Variants in TDP1 observed in about 807,000 individuals in gnomAD.
TDP1 encodes the protein tyrosyl-DNA phosphodiesterase 1, also known as tyr-DNA phosphodiesterase 1.
A neutral mutation model predicts 81.5 loss-of-function variants in TDP1; 64 were observed. That is an observed-to-expected ratio of 0.79 (90% CI 0.64 to 0.97). The LOEUF is 0.97. Among genes scored for constraint, TDP1 ranks in the 50% least tolerant of loss-of-function variants. TDP1 has a pLI of 0.00. For synonymous variants in TDP1, 256 were observed against 264.3 expected (o/e 0.97, Z 0.30); for missense variants, 723 against 743.8 (o/e 0.97, Z 0.33).
At chr14:89,988,600 G>T in intron 10 of TDP1, 1 of 980,908 alleles carries the variant, frequency 1.0e-6, no homozygotes, top group Non-Finnish European at 1.2e-6. Context: ...ATGACAAGTT[G>T]GTGGTTTATC....
At position 89,998,398 on chromosome 14, in the gene TDP1, A is replaced by G. The variant is rs1051319623; in HGVS notation, c.1541+4915A>G. 3.5e-4 allele frequency among the ~76,000 whole-genome samples: 40 copies of G among 114,522 alleles called. 2 individuals carry two copies. The highest frequency in any genetic ancestry group is 1.2e-3 in the African/African-American group (25 of 21,588). The allele number at this position is 114,522 out of a possible 152,430, so 75.1% of individuals were successfully genotyped here. On this transcript the variant is annotated intron_variant, in intron 14 of 16. Coordinates refer to ENST00000335725, the MANE Select transcript of TDP1 (RefSeq NM_018319.4). ...TATATATATATATATATATATATAT[A>G]TATATATATATATATATATATATAT...
At chr14:90,008,219 A>AGAT (rs1354506023) in intron 14 of TDP1, among the ~76,000 whole-genome samples, 1 of 152,134 alleles carries the variant, frequency 6.6e-6, no homozygotes, top group Non-Finnish European at 1.5e-5. Flanking sequence ...AACTCTTATG[A>AGAT]GATGCTTGTC....
intron 8 of TDP1, among the ~76,000 whole-genome samples, chr14:89,982,459 C>T (rs954559524): frequency 9.9e-5 from 15 of 152,266 alleles, no homozygotes; most frequent in African/African-American, 3.4e-4. Flanking sequence ...AGCTTGTTCT[C>T]ATGAAACAAT....
intron 6 of TDP1, among the ~76,000 whole-genome samples, chr14:89,971,923 CAT>C (rs1043603107): frequency 1.3e-5 from 2 of 151,724 alleles, no homozygotes; most frequent in African/African-American, 2.4e-5. Flanking sequence ...TTTTTTTTCA[CAT>C]GAGTTGCATC....
Position 89,972,426 on chromosome 14 carries a change from T to A in TDP1, c.756+1155T>A, listed in dbSNP as rs1427714083. 2.6e-5 allele frequency among the ~76,000 whole-genome samples: 4 copies of A among 152,182 alleles called. No homozygotes were observed. The East Asian group carries it at 7.7e-4, about 29-fold the overall frequency. ...CAGGCCCCTCCTCCAACATTGGGGA[T>A]TATAATTTGAGATGAGATTTGGGTG... On this transcript the variant is annotated intron_variant, in intron 6 of 16. Transcript: ENST00000335725.
intron 15 of TDP1, among the ~76,000 whole-genome samples, chr14:90,027,409 C>T (rs1179830549): frequency 1.3e-5 from 2 of 152,000 alleles, no homozygotes; most frequent in Admixed American, 6.6e-5. Context: ...AGATGATGTC[C>T]GGACTCCTTT....
chr14:90,032,581 T>C (rs1242441464), intron 15 of TDP1: 1 of 214,954 alleles, frequency 4.7e-6, no homozygotes, highest in African/African-American at 2.4e-5. Flanking sequence ...ATTAATACCC[T>C]ATTCTAGAGT....
rs989839111 is a variant in TDP1, at chr14:90,022,834, T to C, written c.1644+3416T>C. 3.3e-6 allele frequency: 3 copies of C among 906,586 alleles called. No homozygotes were observed. In the African/African-American group the frequency reaches 5.4e-5, roughly 16 times the overall value. 56.2% of individuals were successfully genotyped at this position (906,586 alleles called of 1,614,324 possible). A position where few individuals can be genotyped will look rare whatever the true frequency, so the allele number is the denominator to read the frequency against. ...CCAGAGATTTGTGCCATGAGGTAGT[T>C]TGTCGTTTCGCTGAGTTTATACGTG... On this transcript the variant is annotated intron_variant, in intron 15 of 16. Coordinates refer to ENST00000335725, the MANE Select transcript of TDP1 (RefSeq NM_018319.4).
chr14:90,020,862 C>T (rs1050095527), intron 15 of TDP1, among the ~76,000 whole-genome samples: 1 of 146,828 alleles, frequency 6.8e-6, no homozygotes, highest in Non-Finnish European at 1.5e-5. Flanking sequence ...GTGGCATGAT[C>T]TCGGCTCACT....
intron 15 of TDP1, among the ~76,000 whole-genome samples, chr14:90,027,625 G>A (rs1165338976): frequency 6.6e-6 from 1 of 152,190 alleles, no homozygotes; most frequent in African/African-American, 2.4e-5. Context: ...ACATTGGACA[G>A]ATCCCTTAGG....
intron 14 of TDP1, among the ~76,000 whole-genome samples, chr14:90,002,415 G>A (rs528258262): frequency 7.2e-5 from 11 of 152,034 alleles, no homozygotes; most frequent in Admixed American, 1.3e-4. Flanking sequence ...GAAAACATGC[G>A]GTTGTTTCCT....
intron 10 of TDP1, 82 bp downstream of exon 10, chr14:89,985,292 C>G (rs1427721402): frequency 2.5e-6 from 2 of 797,196 alleles, no homozygotes; most frequent in African/African-American, 1.8e-5. Context: ...TATTTTGATG[C>G]AGCTTCACAA....
In TDP1 at chr14:89,966,172, G is replaced by A. The variant is rs771269304; in HGVS notation, c.585G>A (p.Thr195=). ...ATATTTTATCTCCTTTATTTGGGAC[G>A]CTTGTTTCTTCAGCTCAGGTGAGTA... The part of the protein sequence containing the change: ...IKDILSPLFG[T]LVSSAQFNYC... The change falls in exon 4 of 17, where the codon ACG becomes ACA. Residue 195 remains threonine (T), a synonymous_variant. Coordinates refer to ENST00000335725, the MANE Select transcript of TDP1 (RefSeq NM_018319.4). The A allele has an allele frequency of 2.4e-5, 39 of 1,606,776 alleles. No homozygotes were observed. In the Admixed American group the frequency reaches 3.7e-4, roughly 15 times the overall value.
chr14:89,995,759 ATTC>A (rs930919695), intron 14 of TDP1, among the ~76,000 whole-genome samples: 48 of 152,296 alleles, frequency 3.2e-4, no homozygotes, highest in African/African-American at 1.1e-3. Context: ...TTTTCCCAGA[ATTC>A]TTCTTTGCCC....
At position 89,963,568 on chromosome 14, in the gene TDP1, C is replaced by T; in HGVS notation, c.454C>T (p.Gln152Ter). The change falls in exon 3 of 17, where the codon CAG (glutamine) becomes TAG (stop). Residue 152 changes from glutamine (Q) to a stop codon, truncating the protein, a stop_gained. Coordinates refer to ENST00000335725, the MANE Select transcript of TDP1 (RefSeq NM_018319.4). LOFTEE classifies it high-confidence loss of function. The part of the protein sequence containing the change: ...EDEYETSGEG[Q>*]DIWDMLDKGN... ...CGAGTATGAGACATCAGGGGAGGGC[C>T]AGGACATTTGGGACATGCTGGATAA... 1 of 1,613,448 alleles carries T rather than the reference C, an allele frequency of 6.2e-7. No individual in the cohort carries two copies. The highest frequency in any genetic ancestry group is 8.5e-7 in the Non-Finnish European group (1 of 1,179,590).
At chr14:89,969,457 A>G (rs972626719) in intron 5 of TDP1, among the ~76,000 whole-genome samples, 1 of 152,198 alleles carries the variant, frequency 6.6e-6, no homozygotes, top group Non-Finnish European at 1.5e-5. Context: ...TCTTTTTGTA[A>G]TAAGTCGTAG....
chr14:89,962,201 T>C (rs1265172466), intron 2 of TDP1, among the ~76,000 whole-genome samples: 1 of 152,200 alleles, frequency 6.6e-6, no homozygotes, highest in African/African-American at 2.4e-5. Context: ...AATTATATCT[T>C]GATATAATTA....
At chr14:89,989,878 T>TA (rs1895994964) in intron 12 of TDP1, 113 bp downstream of exon 12, 1 of 825,430 alleles carries the variant, frequency 1.2e-6, no homozygotes, top group African/African-American at 1.7e-5. Flanking sequence ...CTTAACTATA[T>TA]AAGGATCATG....
At chr14:89,983,940 C>G (rs1000288863) in intron 8 of TDP1, among the ~76,000 whole-genome samples, 1 of 152,136 alleles carries the variant, frequency 6.6e-6, no homozygotes, top group Non-Finnish European at 1.5e-5. Context: ...AATCCAGGCA[C>G]CAGAAAGTAT....
Sources: gnomAD v4.1 joint callset for allele counts (sites outside exome capture counted in the v4.1 genomes callset) on GRCh38, gnomAD v4.1.1 for gene constraint, MANE v1.5 for transcripts, NCBI Gene and HGNC (gene_info 2026-07-23, HGNC 2026-07-21) for gene names.